Variants in CTNNA3 observed in about 807,000 individuals in gnomAD.
The protein encoded by CTNNA3 is catenin alpha 3.
Under a neutral mutation model 95.7 loss-of-function variants are expected in CTNNA3, and 76 were observed. That is an observed-to-expected ratio of 0.79 (90% CI 0.66 to 0.96). The LOEUF is 0.96. CTNNA3 is among the 40% of genes least tolerant of loss of function. The pLI is 0.00. For synonymous variants in CTNNA3, 431 were observed against 374.4 expected, an observed-to-expected ratio of 1.15 and a Z score of -1.74; for missense variants, 1,191 against 1,089.8, an observed-to-expected ratio of 1.09 and a Z score of -1.31.
At chr10:66,100,081 G>C (rs1349481353) in intron 14 of CTNNA3, among the ~76,000 whole-genome samples, 2 of 152,086 alleles carry the variant, frequency 1.3e-5, no homozygotes, top group Admixed American at 1.3e-4. Flanking sequence ...GAGATTGGAA[G>C]GTAGTTTGTT....
At chr10:66,842,119 T>A (rs1843086465) in intron 7 of CTNNA3, among the ~76,000 whole-genome samples, 1 of 151,920 alleles carries the variant, frequency 6.6e-6, no homozygotes, top group African/African-American at 2.4e-5. Flanking sequence ...TTTTTCTTTT[T>A]TTTTGGAGAG....
At chr10:67,165,634 T>C (rs971655807) in intron 7 of CTNNA3, among the ~76,000 whole-genome samples, 3 of 152,238 alleles carry the variant, frequency 2.0e-5, no homozygotes, top group African/African-American at 7.2e-5. Context: ...TTTGAATCTA[T>C]AATTATTTCA....
chr10:67,113,820 A>C (rs1859028999), intron 7 of CTNNA3, among the ~76,000 whole-genome samples: 2 of 152,244 alleles, frequency 1.3e-5, no homozygotes, highest in African/African-American at 4.8e-5. Flanking sequence ...GGTACAAATC[A>C]TTTAATGACA....
intron 15 of CTNNA3, among the ~76,000 whole-genome samples, chr10:66,053,101 A>T (rs1475968624): frequency 6.6e-6 from 1 of 152,118 alleles, no homozygotes; most frequent in Non-Finnish European, 1.5e-5. Context: ...GCATCCATTG[A>T]ACTATCTTAC....
At chr10:66,501,339 A>G (rs1286399159) in intron 11 of CTNNA3, among the ~76,000 whole-genome samples, 1 of 152,178 alleles carries the variant, frequency 6.6e-6, no homozygotes, top group Non-Finnish European at 1.5e-5. Flanking sequence ...GAGGTTTCAA[A>G]GACTGGATGT....
chr10:66,604,319 A>G (rs1844037453), intron 10 of CTNNA3, among the ~76,000 whole-genome samples: 1 of 152,210 alleles, frequency 6.6e-6, no homozygotes, highest in Non-Finnish European at 1.5e-5. Context: ...CACCAGTGTG[A>G]CTGCATGCAC....
chr10:66,603,972 G>A lies in CTNNA3; in HGVS notation c.1374+17720C>T, dbSNP rs144739340. On this transcript the variant is annotated intron_variant, in intron 10 of 17. Coordinates refer to ENST00000433211, the MANE Select transcript of CTNNA3 (RefSeq NM_013266.4). ...TAAACATAAGATCTGAAACTATGAA[G>A]CTTCTAGAAGACAATATTTGGAAAA... Among the ~76,000 whole-genome samples the A allele has an allele frequency of 2.2e-3, 327 of 151,996 alleles. 2 individuals are homozygous for A. Among genetic ancestry groups the A allele is most frequent in the African/African-American group, 7.3e-3 (304 of 41,464 alleles).
At chr10:66,714,906 G>A (rs1044149404) in intron 9 of CTNNA3, among the ~76,000 whole-genome samples, 4 of 152,122 alleles carry the variant, frequency 2.6e-5, no homozygotes, top group African/African-American at 9.7e-5. Context: ...GGGAAGACGT[G>A]TAATACCCTT....
rs755531549 is a variant in CTNNA3, at chr10:67,180,556, A to G, written c.844-36T>C. 2.2e-5 allele frequency: 33 copies of G among 1,498,244 alleles called. No individual in the cohort carries two copies. The Middle Eastern group carries it at 5.1e-4, about 23-fold the overall frequency. 92.8% of individuals were successfully genotyped at this position (1,498,244 alleles called of 1,614,324 possible). ...AACACATTTGTATGGTTAGAGCTCC[A>G]TGGCATTTCACTTTTATGAAAAACA... is the stretch of plus-strand genomic sequence containing the variant. On this transcript the variant is annotated intron_variant, in intron 6 of 17. Coordinates refer to ENST00000433211, the MANE Select transcript of CTNNA3 (RefSeq NM_013266.4).
chr10:67,617,279 T>A (rs113669283), intron 2 of CTNNA3, among the ~76,000 whole-genome samples: 89 of 152,242 alleles, frequency 5.8e-4, no homozygotes, highest in African/African-American at 2.1e-3. Context: ...TAGGACCCAG[T>A]GTCTGTTGTT....
At chr10:66,647,589 C>T (rs1845750748) in intron 9 of CTNNA3, among the ~76,000 whole-genome samples, 1 of 150,646 alleles carries the variant, frequency 6.6e-6, no homozygotes, top group African/African-American at 2.5e-5. Context: ...TGGCTCACTG[C>T]AAGCTCCGCC....
chr10:66,976,131 G>A (rs965190744), intron 7 of CTNNA3, among the ~76,000 whole-genome samples: 4 of 152,068 alleles, frequency 2.6e-5, no homozygotes, highest in African/African-American at 9.7e-5. Context: ...CATTGTTCCT[G>A]CCTTTGTAAA....
At chr10:67,672,917 G>A (rs1314193623) in intron 1 of CTNNA3, among the ~76,000 whole-genome samples, 1 of 152,100 alleles carries the variant, frequency 6.6e-6, no homozygotes, top group Non-Finnish European at 1.5e-5. Flanking sequence ...GTAGCTTGAT[G>A]GGGATGGCAT....
At chr10:66,822,606 C>T (rs1842341692) in intron 7 of CTNNA3, among the ~76,000 whole-genome samples, 1 of 152,224 alleles carries the variant, frequency 6.6e-6, no homozygotes, top group Non-Finnish European at 1.5e-5. Context: ...TCTGGCGACA[C>T]TTCCAGTAAC....
At chr10:66,083,677 C>T (rs2133655835) in intron 14 of CTNNA3, among the ~76,000 whole-genome samples, 1 of 152,262 alleles carries the variant, frequency 6.6e-6, no homozygotes, top group South Asian at 2.1e-4. Context: ...ATGACCCATC[C>T]TATGTATTGT....
At chr10:67,061,372 T>G (rs1855746643) in intron 7 of CTNNA3, among the ~76,000 whole-genome samples, 1 of 152,306 alleles carries the variant, frequency 6.6e-6, no homozygotes, top group East Asian at 1.9e-4. Context: ...TAGAAACGTT[T>G]GGTTCATCAG....
At chr10:67,268,909 A>T (rs956933146) in intron 5 of CTNNA3, among the ~76,000 whole-genome samples, 1 of 152,010 alleles carries the variant, frequency 6.6e-6, no homozygotes, top group African/African-American at 2.4e-5. Flanking sequence ...TACTAAAAAT[A>T]AAAAAAATGT....
At chr10:67,125,091 T>G (rs1489611537) in intron 7 of CTNNA3, among the ~76,000 whole-genome samples, 2 of 152,228 alleles carry the variant, frequency 1.3e-5, no homozygotes, top group African/African-American at 4.8e-5. Context: ...ATATTGATTC[T>G]TGCTTTTACC....
At chr10:66,172,725 A>G (rs2085499768) in intron 13 of CTNNA3, among the ~76,000 whole-genome samples, 2 of 152,164 alleles carry the variant, frequency 1.3e-5, no homozygotes, top group Admixed American at 6.5e-5. Context: ...TCCTTAACCC[A>G]TTAGTTGAAT....
Sources: allele counts gnomAD v4.1 joint callset (sites outside exome capture counted in the v4.1 genomes callset), GRCh38; gene constraint gnomAD v4.1.1; transcripts MANE v1.5; gene names NCBI Gene and HGNC (gene_info 2026-07-23, HGNC 2026-07-21).